The following ALDH6A1 variants were observed in gnomAD, a reference collection of about 807,000 sequenced individuals.
ALDH6A1 encodes methylmalonate-semialdehyde/malonate-semialdehyde dehydrogenase [acylating], mitochondrial.
Under a neutral mutation model 62.6 loss-of-function variants are expected in ALDH6A1, and 43 were observed. The observed-to-expected ratio is 0.69, with a 90% confidence interval of 0.54 to 0.89. The LOEUF is 0.89. Among genes scored for constraint, ALDH6A1 ranks in the 40% least tolerant of loss-of-function variants. The probability of loss-of-function intolerance (pLI) is 0.00; values close to 1 mark genes in which losing one functional copy is unlikely to be tolerated. For missense variants in ALDH6A1, 551 were observed against 661.3 expected, an observed-to-expected ratio of 0.83 and a Z score of 1.83; for synonymous variants, 194 against 234.2, an observed-to-expected ratio of 0.83 and a Z score of 1.57.
chr14:74,069,015 G>A (rs768384457), intron 6 of ALDH6A1, 34 bp from the exon 7 acceptor site: 4 of 1,608,852 alleles, frequency 2.5e-6, no homozygotes, highest in South Asian at 1.1e-5. Flanking sequence ...ACTCACAAAG[G>A]AGCAAATGGA....
rs111975186 is a variant in ALDH6A1, at chr14:74,072,357, T to C, written c.194A>G (p.Asn65Ser). The part of the protein sequence containing the change: ...KWIDIHNPAT[N>S]EVIGRVPQAT... ...CTGAGGGACCCGACCAATGACCTCA[T>C]TGGTGGCCTGATGAGAAAAATAAGC... is the stretch of plus-strand genomic sequence containing the variant. Residue 65 changes from asparagine (N) to serine (S), a missense_variant, in exon 4 of 12, where the codon AAT becomes AGT. Asn to Ser is a conservative substitution (Grantham distance 46). Transcript: ENST00000553458. 1.3e-3 allele frequency: 2,146 copies of C among 1,614,202 alleles called. 3 individuals carry two copies. The highest frequency in any genetic ancestry group is 1.7e-3 in the Non-Finnish European group (1,974 of 1,180,026).
chr14:74,064,953 G>T (rs1489437277), intron 10 of ALDH6A1, 33 bp from the exon 11 acceptor site: 1 of 1,585,964 alleles, frequency 6.3e-7, no homozygotes, highest in Non-Finnish European at 8.6e-7. Flanking sequence ...CATATCCTAA[G>T]GACAAAGGAA....
Position 74,066,836 on chromosome 14 carries a change from C to T in ALDH6A1, c.1093G>A (p.Glu365Lys), listed in dbSNP as rs1243224225. 5.0e-6 allele frequency: 8 copies of T among 1,613,992 alleles called. No individual in the cohort carries two copies. Among genetic ancestry groups the T allele is most frequent in the Non-Finnish European group, 6.8e-6 (8 of 1,180,012 alleles). The stretch of plus-strand genomic sequence containing the variant: ...CTATCAATCAGATTACAGACTCGCT[C>T]TTTGGCCTGGGGAGTGATCAGAGGG... Reference protein sequence around the residue: ...LGPLITPQAKERVCNLIDSGT... With the variant: ...LGPLITPQAKKRVCNLIDSGT... Residue 365 changes from glutamate to lysine, a missense_variant, in exon 9 of 12, where the codon GAG becomes AAG. By Grantham distance (56) the Glu-to-Lys change is moderately conservative. Coordinates refer to ENST00000553458, the MANE Select transcript of ALDH6A1 (RefSeq NM_005589.4).
In ALDH6A1 at chr14:74,064,805, T is replaced by A. The variant is rs1179539707; in HGVS notation, c.1503+17A>T. On this transcript the variant is annotated intron_variant, in intron 11 of 11. Coordinates refer to ENST00000553458, the MANE Select transcript of ALDH6A1 (RefSeq NM_005589.4). ...ATTTCTTAAAGGAAAAGACAAAAAA[T>A]TTAACTCAAAAGTTACCTGTTTGCC... is the stretch of plus-strand genomic sequence containing the variant. 1.2e-6 allele frequency: 2 copies of A among 1,613,388 alleles called. No individual in the cohort carries two copies. The highest frequency in any genetic ancestry group is 2.2e-5 in the East Asian group (1 of 44,880).
At position 74,064,886 on chromosome 14, in the gene ALDH6A1, G is replaced by A. The variant is rs371278097; in HGVS notation, c.1439C>T (p.Pro480Leu). ...TCGAGAGCCGGTGAATGAGAACATTGGCAAAGGCACTGGAATGGGGACATT... is the reference window on the plus strand; with the variant it reads ...TCGAGAGCCGGTGAATGAGAACATTAGCAAAGGCACTGGAATGGGGACATT... The part of the protein sequence containing the change: ...GVNVPIPVPL[P>L]MFSFTGSRSS... The change falls in exon 11 of 12, where the codon CCA becomes CTA. Residue 480 changes from proline to leucine, a missense_variant. Transcript: ENST00000553458. 1.2e-6 allele frequency: 2 copies of A among 1,613,904 alleles called. No homozygotes were observed. The highest frequency in any genetic ancestry group is 1.3e-5 in the African/African-American group (1 of 74,872).
rs1191636061 is a variant in ALDH6A1 at position 74,072,205 on chromosome 14, A to T, written c.346T>A (p.Leu116Met). ...LRYQQLIKEN[L>M]KEIAKLITLE... ...AGCATACCATTTAGATTTCATACCA[A>T]GTTTTCTTTAATAAGTTGTTGATAG... is the stretch of plus-strand genomic sequence containing the variant. Residue 116 changes from leucine to methionine, a missense_variant and splice_region_variant, in exon 4 of 12, where the codon TTG (leucine) becomes ATG (methionine). Leu to Met is a conservative substitution (Grantham distance 15, BLOSUM62 2). Transcript: ENST00000553458. 1 of 1,614,194 alleles carries T rather than the reference A, an allele frequency of 6.2e-7. No individual in the cohort carries two copies. Among genetic ancestry groups the T allele is most frequent in the South Asian group, 1.1e-5 (1 of 91,084 alleles).
chr14:74,069,094 A>AT, intron 6 of ALDH6A1, 113 bp from the exon 7 acceptor site: 1 of 939,048 alleles, frequency 1.1e-6, no homozygotes, highest in Non-Finnish European at 1.5e-6. Flanking sequence ...TTTTTCTTTT[A>AT]CTTTTTCTTT....
chr14:74,067,247 A>G (rs2060481452), intron 8 of ALDH6A1, 133 bp downstream of exon 8: 2 of 1,082,998 alleles, frequency 1.8e-6, no homozygotes, highest in South Asian at 2.6e-5. Flanking sequence ...ACTCCAAATG[A>G]CAAGTACAGT....
intron 1 of ALDH6A1, among the ~76,000 whole-genome samples, chr14:74,083,834 A>T (rs2060694112): frequency 6.6e-6 from 1 of 152,130 alleles, no homozygotes; most frequent in South Asian, 2.1e-4. Flanking sequence ...AGGAAATTCA[A>T]AGTTCATACA....
At position 74,067,359 on chromosome 14, in the gene ALDH6A1, G is replaced by T. The variant is rs759955438; in HGVS notation, c.1042+21C>A. The T allele has an allele frequency of 3.7e-6, 6 of 1,612,082 alleles. No individual in the cohort carries two copies. In the East Asian group the frequency reaches 1.3e-4, roughly 36 times the overall value. On this transcript the variant is annotated intron_variant, in intron 8 of 11. Transcript: ENST00000553458. Reference sequence around the variant, plus strand: ...TGCCACAGATGCAAAATCTAAGGGGGCAAGTCAGGTGATTGATTACCTGCA... The same window carrying T: ...TGCCACAGATGCAAAATCTAAGGGGTCAAGTCAGGTGATTGATTACCTGCA...
intron 1 of ALDH6A1, chr14:74,082,924 G>T (rs1022709242): frequency 1.3e-5 from 2 of 152,200 alleles, no homozygotes; most frequent in African/African-American, 4.8e-5. Flanking sequence ...ATGACTCATT[G>T]TGATGGGAGG....
chr14:74,067,177 G>A (rs2060480040), intron 8 of ALDH6A1, among the ~76,000 whole-genome samples: 1 of 152,138 alleles, frequency 6.6e-6, no homozygotes, highest in African/African-American at 2.4e-5. Flanking sequence ...TGGTGCCACT[G>A]CACTCCAGCT....
chr14:74,072,345 C>G lies in ALDH6A1; in HGVS notation c.206G>C (p.Gly69Ala). The change falls in exon 4 of 12, where the codon GGT (glycine) becomes GCT (alanine). Residue 69 changes from glycine to alanine, a missense_variant. Physicochemically the swap from Gly to Ala is moderately conservative, Grantham distance 60 (BLOSUM62 0). Transcript: ENST00000553458. Reference sequence around the variant, plus strand: ...TGCCTTGGTGGCCTGAGGGACCCGACCAATGACCTCATTGGTGGCCTGATG... The same window carrying G: ...TGCCTTGGTGGCCTGAGGGACCCGAGCAATGACCTCATTGGTGGCCTGATG... The part of the protein sequence containing the change: ...IHNPATNEVI[G>A]RVPQATKAEM... The G allele has an allele frequency of 2.5e-6, 4 of 1,614,170 alleles. No individual in the cohort carries two copies. In the South Asian group the frequency reaches 4.4e-5, roughly 18 times the overall value.
chr14:74,072,425 G>A, intron 3 of ALDH6A1, 61 bp from the exon 4 acceptor site: 2 of 1,613,632 alleles, frequency 1.2e-6, no homozygotes, highest in Non-Finnish European at 1.7e-6. Context: ...TGTACATCCA[G>A]TCACAGAAGT....
At chr14:74,078,458 A>G (rs1231983455) in intron 1 of ALDH6A1, 2 of 269,168 alleles carry the variant, frequency 7.4e-6, no homozygotes, top group African/African-American at 4.5e-5. Context: ...GGCTCAAGCC[A>G]TCTTCCTGCC....
At position 74,068,723 on chromosome 14, in the gene ALDH6A1, CAGAG is replaced by C. The variant is rs150489713; in HGVS notation, c.852+133_852+136del. 5,020 of 1,030,724 alleles carry C rather than the reference CAGAG, an allele frequency of 4.9e-3. 121 individuals are homozygous for C. The African/African-American group carries it at 0.064, about 13-fold the overall frequency. The allele number at this position is 1,030,724 out of a possible 1,614,324, so 63.8% of individuals were successfully genotyped here. ...ATGCCACTGCACTCCAGCTTGGTGA[CAGAG>C]AGACTCTGTCTCAAAAAAAAGAAAG... On this transcript the variant is annotated intron_variant, in intron 7 of 11. Transcript: ENST00000553458.
intron 5 of ALDH6A1, 110 bp downstream of exon 5, chr14:74,071,786 T>C (rs1446160345): frequency 2.0e-6 from 3 of 1,483,344 alleles, no homozygotes; most frequent in Non-Finnish European, 2.8e-6. Context: ...AAAGATATCA[T>C]GGGATGGCAA....
chr14:74,057,050 G>A lies in ALDH6A1; in HGVS notation c.*3592C>T. On this transcript the variant is annotated 3_prime_UTR_variant, in exon 12 of 12. Transcript: ENST00000553458. ...TGGTTCTTGTGGGCATCTTGAATGT[G>A]CTAATTGAAAGTAATATGACAAGTC... is the stretch of plus-strand genomic sequence containing the variant. 6.3e-7 allele frequency: 1 copy of A among 1,589,158 alleles called. No individual in the cohort carries two copies. The highest frequency in any genetic ancestry group is 1.1e-5 in the South Asian group (1 of 90,002).
intron 3 of ALDH6A1, 22 bp from the exon 4 acceptor site, chr14:74,072,386 T>C (rs2060562346): frequency 1.2e-6 from 2 of 1,614,004 alleles, no homozygotes; most frequent in Non-Finnish European, 1.7e-6. Flanking sequence ...AATAAGCACA[T>C]GATCCTTTGC....
Sources: allele counts gnomAD v4.1 joint callset (sites outside exome capture counted in the v4.1 genomes callset), GRCh38; gene constraint gnomAD v4.1.1; transcripts MANE v1.5; gene names NCBI Gene and HGNC (gene_info 2026-07-23, HGNC 2026-07-21).